FSTL1: variants seen among roughly 807,000 people sequenced by gnomAD.
The protein encoded by FSTL1 is follistatin like 1, also known as follistatin-related protein 1.
A neutral mutation model predicts 45.9 loss-of-function variants in FSTL1; 24 were observed. The observed-to-expected ratio is 0.52, with a 90% CI of 0.38 to 0.74. The LOEUF (loss-of-function observed/expected upper bound fraction) is 0.74. Ranked by LOEUF, FSTL1 falls within the 30% of genes least tolerant of loss-of-function variation. The pLI is 0.00. For missense variants in FSTL1, 340 were observed against 381.8 expected (o/e 0.89, Z 0.91); for synonymous variants, 120 against 137.6 (o/e 0.87, Z 0.89).
Position 120,403,959 on chromosome 3 carries a change from AAC to A in FSTL1, c.582-607_582-606del, listed in dbSNP as rs1196190259. ...AAAAAAAAAAACAAAAACAAAACAA[AAC>A]AAAAACAAAAACAAAAAAAAACAAA... On this transcript the variant is annotated intron_variant, in intron 7 of 10. Transcript: ENST00000295633. Among the ~76,000 whole-genome samples the A allele has an allele frequency of 2.7e-3, 163 of 61,282 alleles. 1 individual carries two copies. Among genetic ancestry groups the A allele is most frequent in the African/African-American group, 0.013 (154 of 11,770 alleles). The allele number at this position is 61,282 out of a possible 152,430, so 40.2% of individuals were successfully genotyped here. A position where few individuals can be genotyped will look rare whatever the true frequency, so the allele number is the denominator to read the frequency against.
rs1051902841 is a variant in FSTL1 at position 120,396,689 on chromosome 3, T to C, written c.*263A>G. On this transcript the variant is annotated 3_prime_UTR_variant, in exon 11 of 11. Transcript: ENST00000295633. ...GGGTCTGTTCCTCTTTCAATCGTGA[T>C]GCAGTTTCCTTACTAGCCTCCAGCC... 1 of 458,262 alleles carries C rather than the reference T, an allele frequency of 2.2e-6. No individual in the cohort carries two copies. The highest frequency in any genetic ancestry group is 2.0e-5 in the African/African-American group (1 of 49,946). The allele number at this position is 458,262 out of a possible 1,614,324, so 28.4% of individuals were successfully genotyped here.
intron 9 of FSTL1, among the ~76,000 whole-genome samples, chr3:120,401,876 T>C (rs1036954964): frequency 6.6e-6 from 1 of 152,240 alleles, no homozygotes; most frequent in African/African-American, 2.4e-5. Context: ...CTGGCTGATA[T>C]AACTTTAGGT....
chr3:120,403,260 A>C lies in FSTL1; in HGVS notation c.676T>G (p.Phe226Val), dbSNP rs202178483. Residue 226 changes from phenylalanine to valine, a missense_variant, in exon 8 of 11, where the codon TTC (phenylalanine) becomes GTC (valine). Phe to Val is a conservative substitution (Grantham distance 50). Transcript: ENST00000295633. The stretch of plus-strand genomic sequence containing the variant: ...GGCATACTCTTCTCAGGAGGGTTGA[A>C]AGATGGGTTGAGGCACTTGAGAAAC... ...QEFLKCLNPS[F>V]NPPEKKCALE... The C allele has an allele frequency of 8.2e-5, 131 of 1,599,000 alleles. No homozygotes were observed. The highest frequency in any genetic ancestry group is 1.1e-4 in the Non-Finnish European group (127 of 1,166,334).
rs188221173 is a variant in FSTL1, at chr3:120,413,941, G to A, written c.169-1958C>T. 3.9e-3 allele frequency among the ~76,000 whole-genome samples: 594 copies of A among 152,036 alleles called. 3 individuals carry two copies. Among genetic ancestry groups the A allele is most frequent in the African/African-American group, 0.013 (556 of 41,480 alleles). Reference sequence around the variant, plus strand: ...CCAGTGCCTGCGATTGCAGGCTTGCGCCGCCATGCCTGACTGGTTTTGGTG... The same window carrying A: ...CCAGTGCCTGCGATTGCAGGCTTGCACCGCCATGCCTGACTGGTTTTGGTG... On this transcript the variant is annotated intron_variant, in intron 3 of 10. Coordinates refer to ENST00000295633, the MANE Select transcript of FSTL1 (RefSeq NM_007085.5).
chr3:120,417,920 C>G (rs1388549221), intron 2 of FSTL1, among the ~76,000 whole-genome samples: 1 of 152,194 alleles, frequency 6.6e-6, no homozygotes, highest in Middle Eastern at 3.2e-3. Context: ...CAACCCTGCC[C>G]TGCGGAGATT....
Position 120,393,586 on chromosome 3 carries a change from A to G in FSTL1, c.*3366T>C, listed in dbSNP as rs981143433. ...TATTTGCCTTCTCACAGGCTACTGC[A>G]GTCAGCCTCACTGGATGCCATTTAG... On this transcript the variant is annotated 3_prime_UTR_variant, in exon 11 of 11. Coordinates refer to ENST00000295633, the MANE Select transcript of FSTL1 (RefSeq NM_007085.5). 3 of 152,200 alleles carry G rather than the reference A, an allele frequency of 2.0e-5. No homozygotes were observed. The highest frequency in any genetic ancestry group is 2.1e-4 in the South Asian group (1 of 4,828). 9.4% of individuals were successfully genotyped at this position (152,200 alleles called of 1,614,324 possible).
chr3:120,403,560 A>G (rs1936871240), intron 7 of FSTL1, among the ~76,000 whole-genome samples: 1 of 152,160 alleles, frequency 6.6e-6, no homozygotes, highest in Non-Finnish European at 1.5e-5. Context: ...AGTTTGTTAT[A>G]TGAATGTCAG....
At chr3:120,426,494 T>C (rs1178247690) in intron 2 of FSTL1, among the ~76,000 whole-genome samples, 2 of 152,302 alleles carry the variant, frequency 1.3e-5, no homozygotes, top group East Asian at 3.9e-4. Flanking sequence ...ACTCCACCCA[T>C]TTTTGCCTTG....
At chr3:120,423,331 A>C (rs1417549910) in intron 2 of FSTL1, 3 of 151,714 alleles carry the variant, frequency 2.0e-5, no homozygotes, top group Non-Finnish European at 1.5e-5. Flanking sequence ...GGTGGCCCAG[A>C]CACAGCATAG....
At chr3:120,449,919 T>C (rs1412528258) in intron 2 of FSTL1, among the ~76,000 whole-genome samples, 1 of 152,220 alleles carries the variant, frequency 6.6e-6, no homozygotes, top group Non-Finnish European at 1.5e-5. Context: ...GAATTTAGAA[T>C]TGTTTATTTT....
At chr3:120,413,953 G>GA (rs1001886030) in intron 3 of FSTL1, among the ~76,000 whole-genome samples, 7 of 151,960 alleles carry the variant, frequency 4.6e-5, no homozygotes, top group African/African-American at 1.5e-4. Flanking sequence ...CGCCATGCCT[G>GA]ACTGGTTTTG....
In FSTL1 at chr3:120,399,955, C is replaced by T. The variant is rs763735659; in HGVS notation, c.810G>A (p.Lys270=). 1.8e-5 allele frequency: 29 copies of T among 1,604,910 alleles called. No homozygotes were observed. Among genetic ancestry groups the T allele is most frequent in the Admixed American group, 1.5e-4 (9 of 59,136 alleles). The change falls in exon 10 of 11, where the codon AAG becomes AAA. Residue 270 remains lysine (K), a synonymous_variant. Transcript: ENST00000295633. Reference sequence around the variant, plus strand: ...TCTGGGTCTGGGCCCCCTTCTGATTCTTTCCTGCAAGAAGAACCAAAGCTC... The same window carrying T: ...TCTGGGTCTGGGCCCCCTTCTGATTTTTTCCTGCAAGAAGAACCAAAGCTC... ...WVCTAMTCDG[K]NQKGAQTQTE... is the part of the protein sequence containing the mutation.
intron 2 of FSTL1, among the ~76,000 whole-genome samples, chr3:120,428,066 T>C (rs1417372473): frequency 6.6e-6 from 1 of 152,118 alleles, no homozygotes; most frequent in Non-Finnish European, 1.5e-5. Flanking sequence ...TCTTCTGAGG[T>C]AGAGGGAGAC....
At chr3:120,407,822 C>A (rs757076082) in intron 6 of FSTL1, among the ~76,000 whole-genome samples, 2 of 152,128 alleles carry the variant, frequency 1.3e-5, no homozygotes, top group Non-Finnish European at 2.9e-5. Context: ...TTCTTAGATG[C>A]CTGGTTGTGA....
At chr3:120,421,864 T>C (rs1447063648) in intron 2 of FSTL1, among the ~76,000 whole-genome samples, 2 of 152,182 alleles carry the variant, frequency 1.3e-5, no homozygotes, top group Non-Finnish European at 1.5e-5. Flanking sequence ...CAAGCTTAAA[T>C]GGTTTAGGGA....
In FSTL1 at chr3:120,404,975, G is replaced by A; in HGVS notation, c.463-4C>T. On this transcript the variant is annotated splice_polypyrimidine_tract_variant and splice_region_variant and intron_variant, in intron 6 of 10. Coordinates refer to ENST00000295633, the MANE Select transcript of FSTL1 (RefSeq NM_007085.5). ...GAGAATCACCATTATCAAAGTTCTA[G>A]AAAGGGCATGACAAGATCGTTCAGG... The A allele has an allele frequency of 7.0e-7, 1 of 1,426,912 alleles. No homozygotes were observed. The highest frequency in any genetic ancestry group is 9.9e-7 in the Non-Finnish European group (1 of 1,009,024). 88.4% of individuals were successfully genotyped at this position (1,426,912 alleles called of 1,614,324 possible).
intron 2 of FSTL1, among the ~76,000 whole-genome samples, chr3:120,429,481 A>C (rs1229990724): frequency 1.3e-5 from 2 of 152,228 alleles, no homozygotes; most frequent in African/African-American, 4.8e-5. Flanking sequence ...CACCTTAATT[A>C]CTAGGCTGCC....
At chr3:120,446,443 G>A (rs4676699) in intron 2 of FSTL1, among the ~76,000 whole-genome samples, 91,620 of 152,016 alleles carry the variant, frequency 0.6, 30,236 homozygotes, top group East Asian at 0.79. Context: ...AGCCACTTGC[G>A]ATGGCCAGGG....
intron 2 of FSTL1, among the ~76,000 whole-genome samples, chr3:120,432,855 T>C (rs1273648812): frequency 6.6e-6 from 1 of 152,190 alleles, no homozygotes; most frequent in African/African-American, 2.4e-5. Context: ...CTTCACTCAA[T>C]GCTGTCCACT....
Sources: allele counts gnomAD v4.1 joint callset (sites outside exome capture counted in the v4.1 genomes callset), GRCh38; gene constraint gnomAD v4.1.1; transcripts MANE v1.5; gene names NCBI Gene and HGNC (gene_info 2026-07-23, HGNC 2026-07-21).